The following LRGUK variants were observed in gnomAD, a reference collection of about 807,000 sequenced individuals.
LRGUK encodes the protein leucine rich repeats and guanylate kinase domain containing, also known as leucine-rich repeat and guanylate kinase domain-containing protein.
Under a neutral mutation model 76.0 loss-of-function variants are expected in LRGUK, and 65 were observed. That is an observed-to-expected ratio of 0.85 (90% CI 0.70 to 1.05). The LOEUF (loss-of-function observed/expected upper bound fraction) is 1.05, where lower values mean the gene tolerates loss of function less well. Among genes scored for constraint, LRGUK ranks in the 50% least tolerant of loss-of-function variants. The probability of loss-of-function intolerance (pLI) is 0.00; values close to 1 mark genes in which losing one functional copy is unlikely to be tolerated. For synonymous variants in LRGUK, 268 were observed against 265.6 expected, an observed-to-expected ratio of 1.01 and a Z score of -0.09; for missense variants, 758 against 732.8, an observed-to-expected ratio of 1.03 and a Z score of -0.40.
At chr7:134,127,810 C>A (rs1797081141) in intron 1 of LRGUK, 146 bp downstream of exon 1, 1 of 849,406 alleles carries the variant, frequency 1.2e-6, no homozygotes, top group Non-Finnish European at 1.8e-6. Flanking sequence ...TCTTCCCCCT[C>A]TTTTCTTCCC....
chr7:134,128,857 C>T (rs2116778876), intron 1 of LRGUK, among the ~76,000 whole-genome samples: 1 of 151,698 alleles, frequency 6.6e-6, no homozygotes, highest in South Asian at 2.1e-4. Flanking sequence ...GCCTAATTTG[C>T]TTCCTTTCTT....
intron 16 of LRGUK, among the ~76,000 whole-genome samples, chr7:134,235,963 T>A (rs1802003813): frequency 6.6e-6 from 1 of 152,216 alleles, no homozygotes; most frequent in African/African-American, 2.4e-5. Flanking sequence ...ACAAATGTTA[T>A]CCGCATAAGA....
chr7:134,146,139 TGG>T (rs2116859351), intron 4 of LRGUK, among the ~76,000 whole-genome samples: 1 of 152,130 alleles, frequency 6.6e-6, no homozygotes, highest in South Asian at 2.1e-4. Flanking sequence ...CCTGGCATGA[TGG>T]TGGGAGCCTA....
intron 12 of LRGUK, among the ~76,000 whole-genome samples, chr7:134,193,485 T>A (rs1800346393): frequency 6.6e-6 from 1 of 152,198 alleles, no homozygotes; most frequent in Non-Finnish European, 1.5e-5. Flanking sequence ...TCTGGTTCAA[T>A]TCCTAGTCTA....
intron 2 of LRGUK, among the ~76,000 whole-genome samples, chr7:134,139,115 T>C (rs753596344): frequency 1.5e-4 from 23 of 152,088 alleles, no homozygotes; most frequent in Non-Finnish European, 3.1e-4. Context: ...TTTATTGCTA[T>C]TGTGTGATTT....
exon 20 of LRGUK, chr7:134,264,013 G>T: frequency 6.4e-7 from 1 of 1,573,460 alleles, no homozygotes. Context: ...TGGAAAACCT[G>T]CTCTGCTGAT....
chr7:134,199,461 G>C, intron 14 of LRGUK, 40 bp downstream of exon 14: 1 of 1,539,190 alleles, frequency 6.5e-7, no homozygotes. Context: ...TGAAATGTAA[G>C]ATTACTGAAT....
At chr7:134,247,445 T>G in intron 16 of LRGUK, 111 bp from the exon 17 acceptor site, 1 of 683,936 alleles carries the variant, frequency 1.5e-6, no homozygotes. Flanking sequence ...TTCCCCCTTT[T>G]TCTTCCCACA....
intron 12 of LRGUK, among the ~76,000 whole-genome samples, 165 bp from the exon 13 acceptor site, chr7:134,196,825 TCA>T (rs773316023): frequency 6.6e-6 from 1 of 152,212 alleles, no homozygotes; most frequent in Non-Finnish European, 1.5e-5. Flanking sequence ...AATTTCTCTG[TCA>T]CAGTTTGAAA....
intron 12 of LRGUK, among the ~76,000 whole-genome samples, chr7:134,196,754 T>C (rs191945355): frequency 6.6e-6 from 1 of 152,206 alleles, no homozygotes; most frequent in Non-Finnish European, 1.5e-5. Context: ...CTCCTCAACA[T>C]TTTGTCAGCA....
At chr7:134,193,111 A>G (rs1228952040) in intron 12 of LRGUK, among the ~76,000 whole-genome samples, 3 of 152,222 alleles carry the variant, frequency 2.0e-5, no homozygotes, top group East Asian at 3.8e-4. Flanking sequence ...TTGTGGAGAT[A>G]TACAAGTGAG....
chr7:134,139,883 T>C (rs1330552733), intron 3 of LRGUK, among the ~76,000 whole-genome samples: 4 of 152,196 alleles, frequency 2.6e-5, no homozygotes, highest in Non-Finnish European at 1.5e-5. Context: ...TTTTTTTCTT[T>C]AACAGATTCT....
chr7:134,139,155 C>T (rs1585420285), intron 2 of LRGUK, among the ~76,000 whole-genome samples: 4 of 152,100 alleles, frequency 2.6e-5, no homozygotes, highest in Admixed American at 1.3e-4. Flanking sequence ...TCTGTTCTAA[C>T]GGTCTCCATG....
At chr7:134,190,313 C>T (rs1800146954) in intron 11 of LRGUK, among the ~76,000 whole-genome samples, 2 of 152,090 alleles carry the variant, frequency 1.3e-5, no homozygotes, top group African/African-American at 4.8e-5. Flanking sequence ...CTCAAGTGAG[C>T]CTCACACCTC....
intron 18 of LRGUK, among the ~76,000 whole-genome samples, chr7:134,253,155 T>C (rs1474959736): frequency 6.6e-6 from 1 of 152,196 alleles, no homozygotes; most frequent in Non-Finnish European, 1.5e-5. Flanking sequence ...GAAAAGAAAG[T>C]ATCATCACAG....
chr7:134,143,672 A>G (rs1383670393), intron 4 of LRGUK, among the ~76,000 whole-genome samples: 1 of 152,180 alleles, frequency 6.6e-6, no homozygotes, highest in Non-Finnish European at 1.5e-5. Flanking sequence ...TTTACTTTTT[A>G]AGAAAATAAT....
At chr7:134,176,317 G>A (rs183734526) in intron 8 of LRGUK, among the ~76,000 whole-genome samples, 1 of 152,278 alleles carries the variant, frequency 6.6e-6, no homozygotes, top group East Asian at 1.9e-4. Context: ...GCAAACCATC[G>A]TGGCACACCC....
intron 16 of LRGUK, among the ~76,000 whole-genome samples, chr7:134,239,510 C>T (rs1802088576): frequency 6.6e-6 from 1 of 152,210 alleles, no homozygotes; most frequent in African/African-American, 2.4e-5. Context: ...GGAGGGGCAT[C>T]CGCCATTGCT....
chr7:134,198,840 T>G (rs1800628607), intron 13 of LRGUK, among the ~76,000 whole-genome samples: 1 of 152,214 alleles, frequency 6.6e-6, no homozygotes, highest in African/African-American at 2.4e-5. Context: ...AAGATCTCTA[T>G]CTCCTGGTGC....
Sources: allele counts gnomAD v4.1 joint callset (sites outside exome capture counted in the v4.1 genomes callset), GRCh38; gene constraint gnomAD v4.1.1; transcripts MANE v1.5; gene names NCBI Gene and HGNC (gene_info 2026-07-23, HGNC 2026-07-21).